The following NACC1 variants were observed in gnomAD, a reference collection of about 807,000 sequenced individuals.
NACC1 encodes nucleus accumbens associated 1, also known as nucleus accumbens-associated protein 1.
In NACC1, 6 loss-of-function variants were observed where a neutral mutation model predicts 41.7. That is an observed-to-expected ratio of 0.14 (90% confidence interval 0.08 to 0.28). The LOEUF (loss-of-function observed/expected upper bound fraction) is 0.28, where lower values mean the gene tolerates loss of function less well. Among genes scored for constraint, NACC1 ranks in the 10% least tolerant of loss-of-function variants. The pLI is 1.00. For missense variants in NACC1, 434 were observed against 763.7 expected (o/e 0.57, Z 5.09); for synonymous variants, 338 against 330.6 (o/e 1.02, Z -0.24).
chr19:13,128,454 G>T (rs1393833715), intron 1 of NACC1, among the ~76,000 whole-genome samples: 2 of 152,166 alleles, frequency 1.3e-5, no homozygotes, highest in Non-Finnish European at 2.9e-5. Flanking sequence ...GCTCCCAAAG[G>T]TTTTATCTCC....
At chr19:13,130,959 G>A (rs759781439) in intron 1 of NACC1, among the ~76,000 whole-genome samples, 7 of 151,960 alleles carry the variant, frequency 4.6e-5, no homozygotes, top group Non-Finnish European at 7.4e-5. Flanking sequence ...CTGCTACATC[G>A]CCCTTCAGCT....
rs1336790138 is a variant in NACC1, at chr19:13,140,971, C to G, written c.*2565C>G. On this transcript the variant is annotated 3_prime_UTR_variant, in exon 6 of 6. Transcript: ENST00000292431. This position sits in a 1 kb window ranked among gnomAD's most constrained non-coding sequence, Gnocchi z 4.0. Reference sequence around the variant, plus strand: ...TTTCACGCAGGACAGGCTGCCCACCCTGTCCACGTGAAGTGCCAACGCCCT... The same window carrying G: ...TTTCACGCAGGACAGGCTGCCCACCGTGTCCACGTGAAGTGCCAACGCCCT... 6.6e-6 allele frequency: 1 copy of G among 152,560 alleles called. No individual in the cohort carries two copies. The highest frequency in any genetic ancestry group is 1.9e-4 in the East Asian group (1 of 5,188). 9.5% of individuals were successfully genotyped at this position (152,560 alleles called of 1,614,324 possible).
Position 13,138,727 on chromosome 19 carries a change from G to T in NACC1, c.*321G>T. 2.7e-6 allele frequency: 1 copy of T among 372,664 alleles called. No homozygotes were observed. The highest frequency in any genetic ancestry group is 4.1e-5 in the Admixed American group (1 of 24,434). The allele number at this position is 372,664 out of a possible 1,614,324, so 23.1% of individuals were successfully genotyped here. A position where few individuals can be genotyped will look rare whatever the true frequency, so the allele number is the denominator to read the frequency against. On this transcript the variant is annotated 3_prime_UTR_variant, in exon 6 of 6. Transcript: ENST00000292431. The surrounding 1 kb of genome is among the most constrained non-coding windows in gnomAD (Gnocchi z 5.7). Reference sequence around the variant, plus strand: ...CACCAGGGGAGGGGGCTGGCCTGGGGGTCTTGGGAAGGCCCCTCCCCAGGC... The same window carrying T: ...CACCAGGGGAGGGGGCTGGCCTGGGTGTCTTGGGAAGGCCCCTCCCCAGGC...
chr19:13,139,118 AG>A lies in NACC1; in HGVS notation c.*715del, dbSNP rs1259477674. On this transcript the variant is annotated 3_prime_UTR_variant, in exon 6 of 6. Transcript: ENST00000292431. Reference sequence around the variant, plus strand: ...GGGGGGGTCTCCTGGGGGCAGACCGAGGGTCTCGGAGGATAGAATGAGAGGT... The same window carrying A: ...GGGGGGGTCTCCTGGGGGCAGACCGAGGTCTCGGAGGATAGAATGAGAGGT... 1 of 151,890 alleles carries A rather than the reference AG, an allele frequency of 6.6e-6. No individual in the cohort carries two copies. The highest frequency in any genetic ancestry group is 1.9e-4 in the East Asian group (1 of 5,136). 9.4% of individuals were successfully genotyped at this position (151,890 alleles called of 1,614,324 possible). A position where few individuals can be genotyped will look rare whatever the true frequency, so the allele number is the denominator to read the frequency against.
rs1174087771 is a variant in NACC1, at chr19:13,137,893, C to T, written c.1325-254C>T. On this transcript the variant is annotated intron_variant, in intron 5 of 5. Coordinates refer to ENST00000292431, the MANE Select transcript of NACC1 (RefSeq NM_052876.4). The surrounding 1 kb of genome is among the most constrained non-coding windows in gnomAD (Gnocchi z 6.1). ...TCTAGATTTTCAAGTGACCACTCCCCGTTACTAAATTCTGGCAAATGATCC... is the reference window on the plus strand; with the variant it reads ...TCTAGATTTTCAAGTGACCACTCCCTGTTACTAAATTCTGGCAAATGATCC... Among the ~76,000 whole-genome samples the T allele has an allele frequency of 1.3e-5, 2 of 152,184 alleles. No homozygotes were observed. The highest frequency in any genetic ancestry group is 1.5e-5 in the Non-Finnish European group (1 of 68,040).
chr19:13,137,159 G>A lies in NACC1; in HGVS notation c.1121-112G>A. On this transcript the variant is annotated intron_variant, in intron 3 of 5. Transcript: ENST00000292431. The surrounding 1 kb of genome is among the most constrained non-coding windows in gnomAD (Gnocchi z 6.1). ...AAGGTCCCTGGGTGAGTTTTCTTGG[G>A]ACCCAGAGCCCAGCAGGGAGGGCCT... is the stretch of plus-strand genomic sequence containing the variant. 3 of 1,044,240 alleles carry A rather than the reference G, an allele frequency of 2.9e-6. No individual in the cohort carries two copies. Among genetic ancestry groups the A allele is most frequent in the Non-Finnish European group, 4.3e-6 (3 of 694,236 alleles). 64.7% of individuals were successfully genotyped at this position (1,044,240 alleles called of 1,614,324 possible). A position where few individuals can be genotyped will look rare whatever the true frequency, so the allele number is the denominator to read the frequency against.
chr19:13,137,244 G>A lies in NACC1; in HGVS notation c.1121-27G>A. On this transcript the variant is annotated intron_variant, in intron 3 of 5. Coordinates refer to ENST00000292431, the MANE Select transcript of NACC1 (RefSeq NM_052876.4). The surrounding 1 kb of genome is among the most constrained non-coding windows in gnomAD (Gnocchi z 6.1). The stretch of plus-strand genomic sequence containing the variant: ...GCTGTGGCGGTTTGGGGGCACCCCA[G>A]GCCATCCTCCGGCTTCCTCTCACCA... The A allele has an allele frequency of 1.9e-6, 3 of 1,608,142 alleles. No homozygotes were observed. In the South Asian group the frequency reaches 3.3e-5, roughly 18 times the overall value.
chr19:13,138,017 G>A lies in NACC1; in HGVS notation c.1325-130G>A. 2.2e-6 allele frequency: 3 copies of A among 1,357,414 alleles called. No homozygotes were observed. Among genetic ancestry groups the A allele is most frequent in the Admixed American group, 1.9e-5 (1 of 53,884 alleles). The allele number at this position is 1,357,414 out of a possible 1,614,324, so 84.1% of individuals were successfully genotyped here. A position where few individuals can be genotyped will look rare whatever the true frequency, so the allele number is the denominator to read the frequency against. On this transcript the variant is annotated intron_variant, in intron 5 of 5. Coordinates refer to ENST00000292431, the MANE Select transcript of NACC1 (RefSeq NM_052876.4). This position sits in a 1 kb window ranked among gnomAD's most constrained non-coding sequence, Gnocchi z 5.7. ...TAGGGTTGGGTGCACGTAGTGTGGTGTCCTGGCCGCGTGGCCTCACTCGTT... is the reference window on the plus strand; with the variant it reads ...TAGGGTTGGGTGCACGTAGTGTGGTATCCTGGCCGCGTGGCCTCACTCGTT...
At chr19:13,127,371 C>CTTTTTTTTTTTTTTTTTTTTTTTTTTT in intron 1 of NACC1, among the ~76,000 whole-genome samples, 1 of 28,510 alleles carries the variant, frequency 3.5e-5, no homozygotes, top group African/African-American at 1.3e-4. Context: ...TATACATATA[C>CTTTTTTTTTTTTTTTTTTTTTTTTTTT]TTTTTTTTTT....
chr19:13,125,813 C>T (rs971784568), intron 1 of NACC1, among the ~76,000 whole-genome samples: 4 of 152,074 alleles, frequency 2.6e-5, no homozygotes, highest in African/African-American at 7.2e-5. Flanking sequence ...GATCTTGGCT[C>T]GCTGCAACTT....
At chr19:13,133,594 T>C (rs2019661590) in intron 1 of NACC1, among the ~76,000 whole-genome samples, 1 of 152,216 alleles carries the variant, frequency 6.6e-6, no homozygotes, top group Non-Finnish European at 1.5e-5. Flanking sequence ...TTGTAGCATG[T>C]GTCAGAATTT....
rs2019708532 is a variant in NACC1, at chr19:13,136,432, C to G, written c.1120+27C>G. 3.8e-6 allele frequency: 6 copies of G among 1,591,366 alleles called. No homozygotes were observed. Among genetic ancestry groups the G allele is most frequent in the Non-Finnish European group, 5.1e-6 (6 of 1,168,042 alleles). On this transcript the variant is annotated intron_variant, in intron 3 of 5. Transcript: ENST00000292431. This position sits in a 1 kb window ranked among gnomAD's most constrained non-coding sequence, Gnocchi z 5.5. The stretch of plus-strand genomic sequence containing the variant: ...TGGGCCGGTCTCGCCCCAGATCTCT[C>G]CCCTCCGCAGCTTTGGAGCCGGCTG...
Position 13,137,404 on chromosome 19 carries a change from G to C in NACC1, c.1226+28G>C, listed in dbSNP as rs1260172810. The C allele has an allele frequency of 6.3e-7, 1 of 1,595,112 alleles. No individual in the cohort carries two copies. The highest frequency in any genetic ancestry group is 1.1e-5 in the South Asian group (1 of 90,686). ...AAGGCCCTTGCCAGAGCCCCAGGGA[G>C]GGGGGTGGGGTTTCCCCATGTCCCC... is the stretch of plus-strand genomic sequence containing the variant. On this transcript the variant is annotated intron_variant, in intron 4 of 5. Coordinates refer to ENST00000292431, the MANE Select transcript of NACC1 (RefSeq NM_052876.4). This position sits in a 1 kb window ranked among gnomAD's most constrained non-coding sequence, Gnocchi z 6.1.
Position 13,135,144 on chromosome 19 carries a change from C to A in NACC1, c.-8-56C>A, listed in dbSNP as rs558783980. On this transcript the variant is annotated intron_variant, in intron 1 of 5. Transcript: ENST00000292431. ...GGGCTAGGCCAGCACCCACATTTGCCGCCTGACCCCGTCCCTCCGTCTCTG... is the reference window on the plus strand; with the variant it reads ...GGGCTAGGCCAGCACCCACATTTGCAGCCTGACCCCGTCCCTCCGTCTCTG... 23 of 1,470,202 alleles carry A rather than the reference C, an allele frequency of 1.6e-5. No homozygotes were observed. In the South Asian group the frequency reaches 3.1e-4, roughly 20 times the overall value. 91.1% of individuals were successfully genotyped at this position (1,470,202 alleles called of 1,614,324 possible).
chr19:13,125,126 G>A (rs1171200857), intron 1 of NACC1, among the ~76,000 whole-genome samples: 2 of 152,142 alleles, frequency 1.3e-5, no homozygotes, highest in South Asian at 2.1e-4. Flanking sequence ...GCACCACTAC[G>A]CTTCAGCCTG....
At chr19:13,120,964 C>T (rs143077660) in intron 1 of NACC1, among the ~76,000 whole-genome samples, 14 of 152,320 alleles carry the variant, frequency 9.2e-5, no homozygotes, top group African/African-American at 2.6e-4. Flanking sequence ...GCTGACTCCC[C>T]GCTGGGGGCT....
chr19:13,130,931 T>C (rs2019627454), intron 1 of NACC1, among the ~76,000 whole-genome samples: 1 of 152,146 alleles, frequency 6.6e-6, no homozygotes, highest in South Asian at 2.1e-4. Flanking sequence ...TCCCATACCC[T>C]TCCTGGCAGC....
chr19:13,121,756 C>A (rs755066561), intron 1 of NACC1, among the ~76,000 whole-genome samples: 1 of 152,174 alleles, frequency 6.6e-6, no homozygotes, highest in Non-Finnish European at 1.5e-5. Context: ...AGTGTTCATG[C>A]CACTCTGCGT....
chr19:13,132,954 C>T (rs1205422008), intron 1 of NACC1, among the ~76,000 whole-genome samples: 1 of 152,166 alleles, frequency 6.6e-6, no homozygotes, highest in Admixed American at 6.5e-5. Flanking sequence ...AGCCTTTGAA[C>T]ACTTGCCGTT....
Sources: allele counts gnomAD v4.1 joint callset (sites outside exome capture counted in the v4.1 genomes callset), GRCh38; gene constraint gnomAD v4.1.1; non-coding constraint Gnocchi (gnomAD v3.1); transcripts MANE v1.5; gene names NCBI Gene and HGNC (gene_info 2026-07-23, HGNC 2026-07-21).